PRKD1: variants seen among roughly 807,000 people sequenced by gnomAD.
PRKD1 encodes serine/threonine-protein kinase D1.
PRKD1 carries 63 observed loss-of-function variants against 95.9 expected under a neutral mutation model. That is an observed-to-expected ratio of 0.66 (90% CI 0.54 to 0.81). The LOEUF (loss-of-function observed/expected upper bound fraction) is 0.81. Among genes scored for constraint, PRKD1 ranks in the 30% least tolerant of loss-of-function variants. PRKD1 has a pLI of 0.00. For missense variants in PRKD1, 1,048 were observed against 1,165.3 expected, an observed-to-expected ratio of 0.90 and a Z score of 1.47; for synonymous variants, 425 against 423.1, an observed-to-expected ratio of 1.00 and a Z score of -0.05.
At chr14:29,833,547 A>G (rs1891495697) in intron 1 of PRKD1, among the ~76,000 whole-genome samples, 1 of 152,078 alleles carries the variant, frequency 6.6e-6, no homozygotes, top group Admixed American at 6.6e-5. Flanking sequence ...AACAAATCAA[A>G]GGCAGTGTGC....
chr14:29,625,299 C>A (rs1047339765), intron 12 of PRKD1, among the ~76,000 whole-genome samples: 1 of 152,166 alleles, frequency 6.6e-6, no homozygotes, highest in African/African-American at 2.4e-5. Flanking sequence ...TCTTTCATCT[C>A]TACTCCTCCG....
chr14:29,811,507 G>A (rs1381447173), intron 1 of PRKD1, among the ~76,000 whole-genome samples: 1 of 152,218 alleles, frequency 6.6e-6, no homozygotes, highest in Non-Finnish European at 1.5e-5. Flanking sequence ...GTTCAGGAGT[G>A]AGAAGTTTGC....
chr14:29,887,608 T>C (rs1166926538), intron 1 of PRKD1, among the ~76,000 whole-genome samples: 5 of 152,218 alleles, frequency 3.3e-5, no homozygotes, highest in Admixed American at 3.3e-4. Flanking sequence ...AAGTTATGAG[T>C]ATATAGTCAT....
intron 1 of PRKD1, among the ~76,000 whole-genome samples, chr14:29,778,431 C>T (rs149753319): frequency 0.035 from 5,356 of 152,122 alleles, 159 homozygotes; most frequent in Non-Finnish European, 0.057. Flanking sequence ...TTCAAATAGA[C>T]ACAATAAAAA....
chr14:29,766,447 G>A (rs1437999043), intron 1 of PRKD1, among the ~76,000 whole-genome samples: 2 of 152,112 alleles, frequency 1.3e-5, no homozygotes, highest in Non-Finnish European at 2.9e-5. Context: ...TAATCTTATA[G>A]ACAGCATTCT....
chr14:29,599,199 A>AG lies in PRKD1; in HGVS notation c.2068-75dup. The stretch of plus-strand genomic sequence containing the variant: ...ATGTCTTCTACCAGTTAAAAGGCCA[A>AG]GAAAAAAAACTGACAATGGACATTC... On this transcript the variant is annotated intron_variant, in intron 14 of 17. Transcript: ENST00000331968. 13 of 1,327,018 alleles carry AG rather than the reference A, an allele frequency of 9.8e-6. No homozygotes were observed. In the South Asian group the frequency reaches 1.6e-4, roughly 16 times the overall value. 82.2% of individuals were successfully genotyped at this position (1,327,018 alleles called of 1,614,324 possible). A position where few individuals can be genotyped will look rare whatever the true frequency, so the allele number is the denominator to read the frequency against.
At chr14:29,703,313 A>G (rs1309363246) in intron 2 of PRKD1, among the ~76,000 whole-genome samples, 1 of 152,138 alleles carries the variant, frequency 6.6e-6, no homozygotes, top group Non-Finnish European at 1.5e-5. Flanking sequence ...ATCCACTTCA[A>G]TTGTACTAAG....
At chr14:29,721,318 T>C (rs1885884775) in intron 2 of PRKD1, among the ~76,000 whole-genome samples, 1 of 152,254 alleles carries the variant, frequency 6.6e-6, no homozygotes, top group Admixed American at 6.5e-5. Flanking sequence ...AAACATTTAT[T>C]TTTTAACCTT....
chr14:29,818,812 T>C (rs1033142125), intron 1 of PRKD1, among the ~76,000 whole-genome samples: 1 of 152,142 alleles, frequency 6.6e-6, no homozygotes, highest in Non-Finnish European at 1.5e-5. Context: ...GTTCTATTTC[T>C]AGGTGAAGTT....
chr14:29,597,811 T>C, intron 15 of PRKD1, 53 bp from the exon 16 acceptor site: 1 of 1,536,634 alleles, frequency 6.5e-7, no homozygotes, highest in South Asian at 1.2e-5. Flanking sequence ...TGTGTCTGTG[T>C]GTCTTAGTTC....
intron 1 of PRKD1, among the ~76,000 whole-genome samples, chr14:29,898,776 C>T (rs947715532): frequency 1.3e-5 from 2 of 152,258 alleles, no homozygotes; most frequent in South Asian, 2.1e-4. Context: ...TCCACAGATA[C>T]AAACTGCCTG....
intron 1 of PRKD1, among the ~76,000 whole-genome samples, chr14:29,736,252 G>T (rs1886707700): frequency 6.6e-6 from 1 of 152,126 alleles, no homozygotes; most frequent in Non-Finnish European, 1.5e-5. Flanking sequence ...TATGCATATT[G>T]GTCTTCAACT....
chr14:29,772,918 G>A (rs1188970733), intron 1 of PRKD1, among the ~76,000 whole-genome samples: 2 of 152,108 alleles, frequency 1.3e-5, no homozygotes, highest in African/African-American at 4.8e-5. Context: ...AGAAATCTGA[G>A]TGAATACATT....
intron 1 of PRKD1, among the ~76,000 whole-genome samples, chr14:29,854,071 G>T (rs1174802146): frequency 4.6e-5 from 7 of 152,128 alleles, no homozygotes; most frequent in Non-Finnish European, 8.8e-5. Flanking sequence ...ACAGTAAATT[G>T]GTACTAATAC....
chr14:29,875,522 G>T (rs1183147789), intron 1 of PRKD1, among the ~76,000 whole-genome samples: 8 of 152,132 alleles, frequency 5.3e-5, no homozygotes, highest in Admixed American at 3.3e-4. Context: ...GCATAATATT[G>T]TTTGTGCTAT....
chr14:29,729,083 A>G (rs1411327213), intron 1 of PRKD1, among the ~76,000 whole-genome samples: 1 of 152,170 alleles, frequency 6.6e-6, no homozygotes, highest in African/African-American at 2.4e-5. Context: ...TTGCTAATAA[A>G]TCCTTGCATA....
chr14:29,714,188 T>C (rs538986414), intron 2 of PRKD1, among the ~76,000 whole-genome samples: 1 of 152,244 alleles, frequency 6.6e-6, no homozygotes, highest in Non-Finnish European at 1.5e-5. Context: ...TAGAGCTGTT[T>C]GGGGTACTAA....
chr14:29,616,867 T>C (rs1233842854), intron 13 of PRKD1, among the ~76,000 whole-genome samples: 1 of 152,196 alleles, frequency 6.6e-6, no homozygotes, highest in Non-Finnish European at 1.5e-5. Flanking sequence ...TTGAGTGTTG[T>C]AGGGGTTTGG....
chr14:29,899,913 G>A (rs556426146), intron 1 of PRKD1, among the ~76,000 whole-genome samples: 87 of 152,242 alleles, frequency 5.7e-4, no homozygotes, highest in African/African-American at 2.0e-3. Flanking sequence ...CCTCCATGCT[G>A]CTCTTGTGAT....
Sources: gnomAD v4.1 joint callset for allele counts (sites outside exome capture counted in the v4.1 genomes callset) on GRCh38, gnomAD v4.1.1 for gene constraint, MANE v1.5 for transcripts, NCBI Gene and HGNC (gene_info 2026-07-23, HGNC 2026-07-21) for gene names.